DOK7: variants seen among roughly 807,000 people sequenced by gnomAD.
DOK7 encodes docking protein 7, also known as protein Dok-7.
A neutral mutation model predicts 30.7 loss-of-function variants in DOK7; 32 were observed. The ratio of observed to expected loss-of-function variants is 1.04; its 90% CI spans 0.79 to 1.40. The LOEUF (loss-of-function observed/expected upper bound fraction) is 1.40, where lower values mean the gene tolerates loss of function less well. Among genes scored for constraint, DOK7 ranks in the 40% most tolerant of loss-of-function variants. The probability of loss-of-function intolerance (pLI) is 0.00; values close to 1 mark genes in which losing one functional copy is unlikely to be tolerated. For missense variants in DOK7, 1,007 were observed against 699.2 expected (o/e 1.44, Z -4.97); for synonymous variants, 447 against 324.1 (o/e 1.38, Z -4.07).
At chr4:3,495,645 G>A (rs755616391), downstream of DOK7, among the ~76,000 whole-genome samples, 3 of 152,222 alleles carry the variant, frequency 2.0e-5, no homozygotes, top group Non-Finnish European at 4.4e-5. Flanking sequence ...CAGGCTGGGG[G>A]CTCCTCCTCA....
chr4:3,468,873 G>T (rs374423314), intron 2 of DOK7, among the ~76,000 whole-genome samples: 1 of 140,270 alleles, frequency 7.1e-6, no homozygotes, highest in Non-Finnish European at 1.5e-5. Context: ...GTGCATGCCT[G>T]TGTACGAGTG....
At position 3,473,348 on chromosome 4, in the gene DOK7, G is replaced by A. The variant is rs377068733; in HGVS notation, c.101-58G>A. ...GCACTGTCACGGCCTCCCCGGGGAC[G>A]CCAAGGGTGCGGGCAGGCGGTGTTG... On this transcript the variant is annotated intron_variant, in intron 2 of 6. Coordinates refer to ENST00000340083, the MANE Select transcript of DOK7 (RefSeq NM_173660.5). The A allele has an allele frequency of 1.1e-4, 167 of 1,571,974 alleles. 1 individual carries two copies. The highest frequency in any genetic ancestry group is 3.1e-4 in the African/African-American group (23 of 74,140).
intron 6 of DOK7, among the ~76,000 whole-genome samples, chr4:3,491,396 G>C (rs61010043): frequency 3.7e-5 from 4 of 106,800 alleles, no homozygotes; most frequent in Non-Finnish European, 7.7e-5. Flanking sequence ...ATTCCTTCCT[G>C]CTCACCCCAG....
Position 3,491,368 on chromosome 4 carries a change from TG to T in DOK7, c.773-1390del, listed in dbSNP as rs368771683. The stretch of plus-strand genomic sequence containing the variant: ...TCGCCTGCTTGTTCCTTCCTTCCTC[TG>T]CTCCCCCTGCTCGTTCATTCCTTCC... On this transcript the variant is annotated intron_variant, in intron 6 of 6. Transcript: ENST00000340083. 7.1e-4 allele frequency among the ~76,000 whole-genome samples: 91 copies of T among 127,356 alleles called. 1 individual carries two copies. Among genetic ancestry groups the T allele is most frequent in the African/African-American group, 2.2e-3 (72 of 32,612 alleles). The allele number at this position is 127,356 out of a possible 152,430, so 83.6% of individuals were successfully genotyped here. A position where few individuals can be genotyped will look rare whatever the true frequency, so the allele number is the denominator to read the frequency against.
At chr4:3,475,056 T>C (rs1241561126) in intron 3 of DOK7, among the ~76,000 whole-genome samples, 1 of 152,238 alleles carries the variant, frequency 6.6e-6, no homozygotes, top group Non-Finnish European at 1.5e-5. Context: ...CCCCCAGTCT[T>C]GTCCCCAAGG....
rs375852029 is a variant in DOK7 at position 3,468,997 on chromosome 4, TGA to T, written c.101-4407_101-4406del. ...GTACGTGTGCCTGTGTATGCATGTGTGAGTGTGCGTGTATGAGTGTGTGTGCC... is the reference window on the plus strand; with the variant it reads ...GTACGTGTGCCTGTGTATGCATGTGTGTGTGCGTGTATGAGTGTGTGTGCC... On this transcript the variant is annotated intron_variant, in intron 2 of 6. Coordinates refer to ENST00000340083, the MANE Select transcript of DOK7 (RefSeq NM_173660.5). Among the ~76,000 whole-genome samples the T allele has an allele frequency of 5.5e-3, 833 of 150,376 alleles. 9 individuals carry two copies. Among genetic ancestry groups the T allele is most frequent in the African/African-American group, 0.019 (763 of 40,568 alleles).
In DOK7 at chr4:3,493,778, C is replaced by A; in HGVS notation, c.*277C>A. On this transcript the variant is annotated 3_prime_UTR_variant, in exon 7 of 7. Transcript: ENST00000340083. ...GCTGCTTCACTCCGTGTCCCCCACCCCTGAGGATCAGGTGAGTGCTGCACC... is the reference window on the plus strand; with the variant it reads ...GCTGCTTCACTCCGTGTCCCCCACCACTGAGGATCAGGTGAGTGCTGCACC... 1 of 1,381,804 alleles carries A rather than the reference C, an allele frequency of 7.2e-7. No homozygotes were observed. The highest frequency in any genetic ancestry group is 3.2e-5 in the Admixed American group (1 of 31,210). 85.6% of individuals were successfully genotyped at this position (1,381,804 alleles called of 1,614,324 possible). A position where few individuals can be genotyped will look rare whatever the true frequency, so the allele number is the denominator to read the frequency against.
downstream of DOK7, among the ~76,000 whole-genome samples, chr4:3,497,937 T>G (rs1729002922): frequency 6.6e-6 from 1 of 152,236 alleles, no homozygotes; most frequent in East Asian, 1.9e-4. Context: ...CCCGTACCCT[T>G]CAGATGTCTT....
At chr4:3,470,742 C>T (rs1726708946) in intron 2 of DOK7, among the ~76,000 whole-genome samples, 1 of 152,216 alleles carries the variant, frequency 6.6e-6, no homozygotes, top group African/African-American at 2.4e-5. Flanking sequence ...TGGCTGCTTT[C>T]CAGCTAAGTA....
At chr4:3,480,729 C>A (rs1029493276) in intron 4 of DOK7, among the ~76,000 whole-genome samples, 3 of 152,250 alleles carry the variant, frequency 2.0e-5, no homozygotes, top group Admixed American at 6.5e-5. Flanking sequence ...CCTGCGGGGG[C>A]AGCCTGGACA....
intron 2 of DOK7, among the ~76,000 whole-genome samples, chr4:3,472,511 G>T (rs1412767980): frequency 6.6e-6 from 1 of 152,246 alleles, no homozygotes; most frequent in African/African-American, 2.4e-5. Context: ...CTGGAGCCAT[G>T]CCGGGAGGGC....
chr4:3,474,415 C>T (rs746587292), intron 3 of DOK7, among the ~76,000 whole-genome samples: 1 of 152,164 alleles, frequency 6.6e-6, no homozygotes, highest in Non-Finnish European at 1.5e-5. Context: ...CACGGTGGCT[C>T]ATACCTGTAA....
intron 2 of DOK7, among the ~76,000 whole-genome samples, chr4:3,464,247 G>C (rs946949932): frequency 6.6e-6 from 1 of 152,222 alleles, no homozygotes. Flanking sequence ...CGGCCTGTGT[G>C]CATGGGGGGC....
chr4:3,494,573 C>G, downstream of DOK7: 1 of 957,368 alleles, frequency 1.0e-6, no homozygotes, highest in Non-Finnish European at 1.2e-6. Context: ...TCCCCGGGCC[C>G]GGCTTCCCTG....
At position 3,493,147 on chromosome 4, in the gene DOK7, CT is replaced by C; in HGVS notation, c.1162del (p.Cys388AlafsTer68). ...AGAPEPSLCTCLPGTVEYQVP... is the reference protein window; with the variant it reads ...AGAPEPSLCTXLPGTVEYQVP... ...GGGCCCCCGAGCCCAGCCTGTGCACCTGCCTGCCCGGGACAGTCGAGTACCA... is the reference window on the plus strand; with the variant it reads ...GGGCCCCCGAGCCCAGCCTGTGCACCGCCTGCCCGGGACAGTCGAGTACCA... On this transcript the variant is annotated frameshift_variant, in exon 7 of 7. Transcript: ENST00000340083. LOFTEE classifies it low-confidence loss of function (END_TRUNC). 6.2e-7 allele frequency: 1 copy of C among 1,603,244 alleles called. No individual in the cohort carries two copies.
At chr4:3,491,479 TCATTC>T (rs1728439811) in intron 6 of DOK7, among the ~76,000 whole-genome samples, 1 of 146,256 alleles carries the variant, frequency 6.8e-6, no homozygotes, top group Non-Finnish European at 1.5e-5. Flanking sequence ...TCTCACTCAT[TCATTC>T]TTTCCTTGTC....
At chr4:3,501,029 G>C in exon 8 of DOK7, 1 of 792,956 alleles carries the variant, frequency 1.3e-6, no homozygotes, top group Non-Finnish European at 1.9e-6. Flanking sequence ...AGGTGTCCGG[G>C]GCTGACCCTT....
At position 3,463,432 on chromosome 4, in the gene DOK7, CGGGGCGCGTCGGGGGCGCGGGGGGGG is replaced by C; in HGVS notation, c.54+12_54+37del. On this transcript the variant is annotated splice_donor_5th_base_variant and intron_variant, in intron 1 of 6. Coordinates refer to ENST00000340083, the MANE Select transcript of DOK7 (RefSeq NM_173660.5). ...TCAAGCTGCGGGACGGCAAGAAGGTCGGGGCGCGTCGGGGGCGCGGGGGGGGGGGGCGCGGGCGCGGGCGGCGGCTC... is the reference window on the plus strand; with the variant it reads ...TCAAGCTGCGGGACGGCAAGAAGGTCGGGGCGCGGGCGCGGGCGGCGGCTC... 1 of 556,702 alleles carries C rather than the reference CGGGGCGCGTCGGGGGCGCGGGGGGGG, an allele frequency of 1.8e-6. No homozygotes were observed. The highest frequency in any genetic ancestry group is 2.6e-6 in the Non-Finnish European group (1 of 390,086). The allele number at this position is 556,702 out of a possible 1,614,324, so 34.5% of individuals were successfully genotyped here. A position where few individuals can be genotyped will look rare whatever the true frequency, so the allele number is the denominator to read the frequency against.
Position 3,489,766 on chromosome 4 carries a change from C to A in DOK7, c.742C>A (p.Leu248Ile). The A allele has an allele frequency of 6.4e-7, 1 of 1,573,108 alleles. No individual in the cohort carries two copies. Among genetic ancestry groups the A allele is most frequent in the Non-Finnish European group, 8.6e-7 (1 of 1,158,978 alleles). The change falls in exon 6 of 7, where the codon CTC becomes ATC. Residue 248 changes from leucine (L) to isoleucine (I), a missense_variant. Transcript: ENST00000340083. ...TLQLEKRLSL[L>I]SHAGRPGSGG... ...ACAGCTGGAGAAGCGGCTGAGCCTC[C>A]TCTCACATGCGGGCAGGCCGGGCAG...
Sources: allele counts gnomAD v4.1 joint callset (sites outside exome capture counted in the v4.1 genomes callset), GRCh38; gene constraint gnomAD v4.1.1; transcripts MANE v1.5; gene names NCBI Gene and HGNC (gene_info 2026-07-23, HGNC 2026-07-21).